HS6ST3: variants seen among roughly 807,000 people sequenced by gnomAD.
The protein encoded by HS6ST3 is heparan sulfate 6-O-sulfotransferase 3, also known as heparan-sulfate 6-O-sulfotransferase 3.
A neutral mutation model predicts 36.7 loss-of-function variants in HS6ST3; 12 were observed. The observed-to-expected ratio is 0.33, with a 90% CI of 0.21 to 0.53. HS6ST3 has a LOEUF of 0.53. HS6ST3 is among the 20% of genes least tolerant of loss of function. The pLI is 0.95. For missense variants in HS6ST3, 584 were observed against 640.9 expected (o/e 0.91, Z 0.96); for synonymous variants, 240 against 257.5 (o/e 0.93, Z 0.65).
chr13:96,715,660 T>A (rs1875677732), intron 1 of HS6ST3, among the ~76,000 whole-genome samples: 1 of 152,168 alleles, frequency 6.6e-6, no homozygotes. Flanking sequence ...TATCTCTAGT[T>A]AAGCTGAATA....
intron 1 of HS6ST3, among the ~76,000 whole-genome samples, chr13:96,543,505 A>AC (rs2138943672): frequency 6.6e-6 from 1 of 152,324 alleles, no homozygotes; most frequent in South Asian, 2.1e-4. Flanking sequence ...TGCTCTTTAC[A>AC]CTGGAATCTT....
intron 1 of HS6ST3, among the ~76,000 whole-genome samples, chr13:96,593,800 G>T (rs1237349986): frequency 1.3e-5 from 2 of 151,432 alleles, no homozygotes; most frequent in Non-Finnish European, 2.9e-5. Flanking sequence ...GTCTCTTTTT[G>T]CAGACTTAAA....
intron 1 of HS6ST3, among the ~76,000 whole-genome samples, chr13:96,163,592 G>A (rs4771925): frequency 0.081 from 12,269 of 152,022 alleles, 597 homozygotes; most frequent in South Asian, 0.14. Context: ...CTGTCCAGGT[G>A]GTATGTTGAA....
At chr13:96,622,088 G>A (rs1449436724) in intron 1 of HS6ST3, among the ~76,000 whole-genome samples, 1 of 152,088 alleles carries the variant, frequency 6.6e-6, no homozygotes, top group African/African-American at 2.4e-5. Context: ...AATGTAGAAT[G>A]TTGTGTCCAG....
At chr13:96,184,290 A>C (rs2054255078) in intron 1 of HS6ST3, among the ~76,000 whole-genome samples, 1 of 151,788 alleles carries the variant, frequency 6.6e-6, no homozygotes, top group African/African-American at 2.4e-5. Context: ...CCACAATTAA[A>C]AAAAATTTTT....
At chr13:96,197,670 T>A (rs2054320982) in intron 1 of HS6ST3, among the ~76,000 whole-genome samples, 1 of 151,912 alleles carries the variant, frequency 6.6e-6, no homozygotes, top group South Asian at 2.1e-4. Flanking sequence ...AGGGTACAGG[T>A]GTTAGGTAAA....
chr13:96,277,633 T>C (rs1028130056), intron 1 of HS6ST3, among the ~76,000 whole-genome samples: 3 of 152,198 alleles, frequency 2.0e-5, no homozygotes, highest in Non-Finnish European at 2.9e-5. Flanking sequence ...CTATGATGAT[T>C]ATATATCAAC....
At position 96,139,240 on chromosome 13, in the gene HS6ST3, A is replaced by G. The variant is rs574250738; in HGVS notation, c.707+47671A>G. On this transcript the variant is annotated intron_variant, in intron 1 of 1. Coordinates refer to ENST00000376705, the MANE Select transcript of HS6ST3 (RefSeq NM_153456.4). ...ATAATTTTTCTGAGTAATCATGTTA[A>G]TAACTATGGTATGTGAAATAATTCC... Among the ~76,000 whole-genome samples the G allele has an allele frequency of 3.9e-5, 6 of 152,226 alleles. No individual in the cohort carries two copies. The East Asian group carries it at 5.8e-4, about 15-fold the overall frequency.
chr13:96,403,052 C>T (rs960556291), intron 1 of HS6ST3, among the ~76,000 whole-genome samples: 3 of 152,112 alleles, frequency 2.0e-5, no homozygotes, highest in African/African-American at 7.2e-5. Context: ...TCATGTTCCC[C>T]CTGATCCCCG....
At position 96,533,914 on chromosome 13, in the gene HS6ST3, T is replaced by C. The variant is rs550640792; in HGVS notation, c.708-298576T>C. 2.0e-5 allele frequency among the ~76,000 whole-genome samples: 3 copies of C among 152,328 alleles called. No individual in the cohort carries two copies. The South Asian group carries it at 6.2e-4, about 32-fold the overall frequency. Reference sequence around the variant, plus strand: ...CTTTTCCAGAAGTTTCTGTGAGAGCTGTCATAGTCACTTGCCCTATCCATC... The same window carrying C: ...CTTTTCCAGAAGTTTCTGTGAGAGCCGTCATAGTCACTTGCCCTATCCATC... On this transcript the variant is annotated intron_variant, in intron 1 of 1. Coordinates refer to ENST00000376705, the MANE Select transcript of HS6ST3 (RefSeq NM_153456.4).
At chr13:96,832,382 C>A in intron 1 of HS6ST3, 108 bp from the exon 2 acceptor site, 1 of 760,040 alleles carries the variant, frequency 1.3e-6, no homozygotes, top group Non-Finnish European at 2.1e-6. Flanking sequence ...CTCACATGAA[C>A]ATTTGGCAAA....
At chr13:96,477,466 T>G (rs2138895210) in intron 1 of HS6ST3, among the ~76,000 whole-genome samples, 1 of 152,350 alleles carries the variant, frequency 6.6e-6, no homozygotes, top group African/African-American at 2.4e-5. Context: ...GCTTAGGTCC[T>G]TAGTGTAAGA....
chr13:96,526,837 G>T (rs1366230633), intron 1 of HS6ST3, among the ~76,000 whole-genome samples: 1 of 152,134 alleles, frequency 6.6e-6, no homozygotes, highest in Non-Finnish European at 1.5e-5. Context: ...ACAAATGGCT[G>T]CTGAACACTT....
At chr13:96,735,955 A>G (rs1876274016) in intron 1 of HS6ST3, among the ~76,000 whole-genome samples, 1 of 152,218 alleles carries the variant, frequency 6.6e-6, no homozygotes, top group Admixed American at 6.5e-5. Flanking sequence ...TCCTCAGGAA[A>G]CTAACATAGG....
intron 1 of HS6ST3, among the ~76,000 whole-genome samples, chr13:96,428,327 C>T (rs1057017630): frequency 6.6e-6 from 1 of 152,200 alleles, no homozygotes; most frequent in African/African-American, 2.4e-5. Context: ...GCCTGGGCGA[C>T]AGAGCGAGAC....
chr13:96,166,922 G>C (rs1456553007), intron 1 of HS6ST3, among the ~76,000 whole-genome samples: 2 of 151,974 alleles, frequency 1.3e-5, no homozygotes, highest in Non-Finnish European at 2.9e-5. Flanking sequence ...TTTTAAAGGG[G>C]CTTTTACCCC....
At position 96,254,479 on chromosome 13, in the gene HS6ST3, A is replaced by G. The variant is rs1269067465; in HGVS notation, c.707+162910A>G. 6.7e-4 allele frequency among the ~76,000 whole-genome samples: 19 copies of G among 28,354 alleles called. 3 individuals carry two copies. The highest frequency in any genetic ancestry group is 2.3e-3 in the African/African-American group (19 of 8,264). 18.6% of individuals were successfully genotyped at this position (28,354 alleles called of 152,430 possible). A position where few individuals can be genotyped will look rare whatever the true frequency, so the allele number is the denominator to read the frequency against. On this transcript the variant is annotated intron_variant, in intron 1 of 1. Coordinates refer to ENST00000376705, the MANE Select transcript of HS6ST3 (RefSeq NM_153456.4). ...TATATATATATATATATATATATATATATATATATATATATATATACACAT... is the reference window on the plus strand; with the variant it reads ...TATATATATATATATATATATATATGTATATATATATATATATATACACAT...
intron 1 of HS6ST3, among the ~76,000 whole-genome samples, chr13:96,330,203 G>A (rs2055057884): frequency 1.3e-5 from 2 of 148,172 alleles, no homozygotes; most frequent in South Asian, 2.2e-4. Context: ...ATATTGTTAT[G>A]TGTGAATTTG....
chr13:96,614,311 A>T (rs931287289), intron 1 of HS6ST3, among the ~76,000 whole-genome samples: 34 of 148,688 alleles, frequency 2.3e-4, no homozygotes, highest in African/African-American at 3.7e-4. Context: ...AAAAAAAAAA[A>T]AAAAAAAAAA....
Sources: gnomAD v4.1 joint callset for allele counts (sites outside exome capture counted in the v4.1 genomes callset) on GRCh38, gnomAD v4.1.1 for gene constraint, MANE v1.5 for transcripts, NCBI Gene and HGNC (gene_info 2026-07-23, HGNC 2026-07-21) for gene names.